COL15A1: variants seen among roughly 807,000 people sequenced by gnomAD.
COL15A1 encodes collagen alpha-1(XV) chain.
In COL15A1, 111 loss-of-function variants were observed where a neutral mutation model predicts 165.9. The ratio of observed to expected loss-of-function variants is 0.67; its 90% CI spans 0.57 to 0.78. The LOEUF is 0.78. Among genes scored for constraint, COL15A1 ranks in the 30% least tolerant of loss-of-function variants. The probability of loss-of-function intolerance (pLI) is 0.00; values close to 1 mark genes in which losing one functional copy is unlikely to be tolerated. For synonymous variants in COL15A1, 659 were observed against 674.8 expected, an observed-to-expected ratio of 0.98 and a Z score of 0.36; for missense variants, 1,745 against 1,789.7, an observed-to-expected ratio of 0.98 and a Z score of 0.45.
intron 14 of COL15A1, among the ~76,000 whole-genome samples, chr9:99,024,461 T>TTAA (rs1839088016): frequency 6.6e-6 from 1 of 151,934 alleles, no homozygotes; most frequent in Admixed American, 6.6e-5. Flanking sequence ...ATTTTTTGTA[T>TTAA]TTTTAGTAGA....
intron 16 of COL15A1, 29 bp from the exon 17 acceptor site, chr9:99,034,520 G>C: frequency 6.8e-7 from 1 of 1,475,554 alleles, no homozygotes; most frequent in Non-Finnish European, 9.1e-7. Flanking sequence ...GCATTAATTG[G>C]TCCATGTTTT....
intron 25 of COL15A1, 32 bp downstream of exon 25, chr9:99,044,668 A>T: frequency 1.9e-6 from 3 of 1,612,530 alleles, no homozygotes; most frequent in Non-Finnish European, 2.5e-6. Flanking sequence ...GCAGGCACAT[A>T]TCTGCCCCAG....
At position 99,001,022 on chromosome 9, in the gene COL15A1, A is replaced by G. The variant is rs1157918006; in HGVS notation, c.1065+71A>G. 3 of 779,108 alleles carry G rather than the reference A, an allele frequency of 3.9e-6. No homozygotes were observed. The African/African-American group carries it at 5.1e-5, about 13-fold the overall frequency. 48.3% of individuals were successfully genotyped at this position (779,108 alleles called of 1,614,324 possible). On this transcript the variant is annotated intron_variant, in intron 7 of 41. Transcript: ENST00000375001. ...TTTGCTTATTTCAAACTTGGTGATG[A>G]TTTTACTGAGCACCAGAGAGAACCA...
chr9:99,025,805 C>A, intron 15 of COL15A1, 99 bp from the exon 16 acceptor site: 1 of 1,307,740 alleles, frequency 7.6e-7, no homozygotes. Context: ...GGCCCACCAG[C>A]CTCACCTGCC....
At chr9:98,963,339 G>A (rs1837893646) in intron 2 of COL15A1, among the ~76,000 whole-genome samples, 1 of 152,160 alleles carries the variant, frequency 6.6e-6, no homozygotes, top group African/African-American at 2.4e-5. Context: ...AGAAAATGCT[G>A]GACTTTGGGG....
chr9:99,035,545 A>G (rs1335680527), intron 19 of COL15A1, 127 bp downstream of exon 19: 17 of 1,116,288 alleles, frequency 1.5e-5, no homozygotes, highest in East Asian at 9.7e-5. Context: ...CCAGCCCCCA[A>G]CTGTGCAATA....
intron 35 of COL15A1, among the ~76,000 whole-genome samples, chr9:99,058,759 G>T (rs750077984): frequency 1.3e-5 from 2 of 152,190 alleles, no homozygotes; most frequent in Admixed American, 6.5e-5. Context: ...CTTACTTGAG[G>T]TCACAAATTC....
At chr9:99,040,654 G>GAGCTCC in intron 23 of COL15A1, 98 bp downstream of exon 23, 2 of 1,594,828 alleles carry the variant, frequency 1.3e-6, no homozygotes, top group Non-Finnish European at 1.7e-6. Flanking sequence ...ATGCATGACT[G>GAGCTCC]AGCTCCAGGG....
intron 4 of COL15A1, among the ~76,000 whole-genome samples, chr9:98,987,776 A>G (rs867300399): frequency 1.6e-4 from 25 of 152,172 alleles, no homozygotes; most frequent in Middle Eastern, 6.8e-3. Context: ...GGTGGGCAGG[A>G]AAAAAAAGAT....
chr9:98,987,946 A>G (rs531172303), intron 4 of COL15A1, among the ~76,000 whole-genome samples: 2 of 133,232 alleles, frequency 1.5e-5, no homozygotes, highest in East Asian at 4.5e-4. Context: ...TGATGGGAAA[A>G]GGGGGAGATC....
chr9:99,069,704 C>T lies in COL15A1; in HGVS notation c.3985C>T (p.Pro1329Ser). The change falls in exon 42 of 42, where the codon CCC becomes TCC. Residue 1329 changes from proline to serine, a missense_variant. Coordinates refer to ENST00000375001, the MANE Select transcript of COL15A1 (RefSeq NM_001855.5). ...PQKVIWHGSS[P>S]HGVRLVDNYC... ...GAAAGTCATTTGGCATGGCTCCAGC[C>T]CCCATGGCGTCCGCCTTGTGGATAA... is the stretch of plus-strand genomic sequence containing the variant. 6.2e-7 allele frequency: 1 copy of T among 1,611,674 alleles called. No individual in the cohort carries two copies. The highest frequency in any genetic ancestry group is 8.5e-7 in the Non-Finnish European group (1 of 1,177,848).
At chr9:98,950,376 T>C (rs1459396335) in intron 2 of COL15A1, among the ~76,000 whole-genome samples, 1 of 152,218 alleles carries the variant, frequency 6.6e-6, no homozygotes, top group African/African-American at 2.4e-5. Flanking sequence ...ATAGCCATTT[T>C]AGTGGATATA....
chr9:99,069,925 C>A lies in COL15A1; in HGVS notation c.*39C>A. 1 of 1,514,942 alleles carries A rather than the reference C, an allele frequency of 6.6e-7. No homozygotes were observed. Among genetic ancestry groups the A allele is most frequent in the Non-Finnish European group, 9.0e-7 (1 of 1,105,300 alleles). 93.8% of individuals were successfully genotyped at this position (1,514,942 alleles called of 1,614,324 possible). Reference sequence around the variant, plus strand: ...ATTCTTAAAGAGTTTTCAATTTTTTCTTATGTGAAGAGTTGACACTGAAAT... The same window carrying A: ...ATTCTTAAAGAGTTTTCAATTTTTTATTATGTGAAGAGTTGACACTGAAAT... On this transcript the variant is annotated 3_prime_UTR_variant, in exon 42 of 42. Transcript: ENST00000375001.
At chr9:99,049,945 C>G (rs1295789147) in intron 30 of COL15A1, 50 bp downstream of exon 30, 1 of 1,611,646 alleles carries the variant, frequency 6.2e-7, no homozygotes, top group Non-Finnish European at 8.5e-7. Flanking sequence ...TGGATAGCAA[C>G]TTGGAGAAAA....
intron 12 of COL15A1, among the ~76,000 whole-genome samples, chr9:99,021,111 C>T (rs895665600): frequency 2.0e-5 from 3 of 152,224 alleles, no homozygotes; most frequent in Admixed American, 6.5e-5. Context: ...GCCCAGGGAG[C>T]CTGCTCTGGC....
chr9:99,057,352 G>A (rs1274185924), intron 35 of COL15A1, among the ~76,000 whole-genome samples: 1 of 152,168 alleles, frequency 6.6e-6, no homozygotes, highest in Non-Finnish European at 1.5e-5. Flanking sequence ...TGGCTGCTTT[G>A]TCAATGCCTT....
intron 18 of COL15A1, 82 bp from the exon 19 acceptor site, chr9:99,035,268 C>T: frequency 1.9e-6 from 3 of 1,604,804 alleles, no homozygotes; most frequent in Non-Finnish European, 1.7e-6. Flanking sequence ...CCCCTGTGAG[C>T]CGCCAGCTTC....
intron 5 of COL15A1, among the ~76,000 whole-genome samples, chr9:98,991,410 G>A (rs1347551450): frequency 6.6e-6 from 1 of 152,224 alleles, no homozygotes; most frequent in East Asian, 1.9e-4. Context: ...GCTAGACACA[G>A]AGTGCTGATT....
intron 6 of COL15A1, among the ~76,000 whole-genome samples, chr9:98,999,080 A>G (rs781171963): frequency 2.6e-5 from 4 of 152,062 alleles, no homozygotes; most frequent in Non-Finnish European, 4.4e-5. Context: ...AGAGTGCTCG[A>G]CCCGTGCTGG....
Sources: gnomAD v4.1 joint callset for allele counts (sites outside exome capture counted in the v4.1 genomes callset) on GRCh38, gnomAD v4.1.1 for gene constraint, MANE v1.5 for transcripts, NCBI Gene and HGNC (gene_info 2026-07-23, HGNC 2026-07-21) for gene names.